CMSS1: variants seen among roughly 807,000 people sequenced by gnomAD.
CMSS1 encodes the protein protein CMSS1.
A neutral mutation model predicts 43.5 loss-of-function variants in CMSS1; 33 were observed. That is an observed-to-expected ratio of 0.76 (90% confidence interval 0.57 to 1.01). The LOEUF (loss-of-function observed/expected upper bound fraction) is 1.01. Among genes scored for constraint, CMSS1 ranks in the 50% least tolerant of loss-of-function variants. The pLI is 0.00. For synonymous variants in CMSS1, 115 were observed against 117.2 expected, an observed-to-expected ratio of 0.98 and a Z score of 0.12; for missense variants, 313 against 326.4, an observed-to-expected ratio of 0.96 and a Z score of 0.32.
At chr3:99,955,071 G>C (rs1410114573) in intron 1 of CMSS1, among the ~76,000 whole-genome samples, 3 of 152,300 alleles carry the variant, frequency 2.0e-5, no homozygotes, top group Admixed American at 6.5e-5. Flanking sequence ...CAGAAAATTA[G>C]ATCAAGTGCT....
intron 1 of CMSS1, among the ~76,000 whole-genome samples, chr3:100,134,761 T>A (rs567639387): frequency 6.6e-6 from 1 of 152,330 alleles, no homozygotes; most frequent in Admixed American, 6.5e-5. Context: ...TGTAGATGAA[T>A]GTTAGTTAAA....
chr3:100,159,755 G>A lies in CMSS1; in HGVS notation c.154-675G>A, dbSNP rs113514759. 953 of 288,000 alleles carry A rather than the reference G, an allele frequency of 3.3e-3. 9 individuals are homozygous for A. The highest frequency in any genetic ancestry group is 0.019 in the African/African-American group (889 of 45,940). The allele number at this position is 288,000 out of a possible 1,614,324, so 17.8% of individuals were successfully genotyped here. A position where few individuals can be genotyped will look rare whatever the true frequency, so the allele number is the denominator to read the frequency against. ...TTCTACATTAGAAAAAAGCCCTCAG[G>A]GTAAAAATAGTACTAAACTGGGGTA... On this transcript the variant is annotated intron_variant, in intron 2 of 9. Coordinates refer to ENST00000421999, the MANE Select transcript of CMSS1 (RefSeq NM_032359.4).
rs1175237461 is a variant in CMSS1 at position 100,136,311 on chromosome 3, G to A, written c.65-10662G>A. 2.0e-5 allele frequency among the ~76,000 whole-genome samples: 3 copies of A among 152,154 alleles called. 1 individual carries two copies. Among genetic ancestry groups the A allele is most frequent in the Non-Finnish European group, 4.4e-5 (3 of 68,030 alleles). On this transcript the variant is annotated intron_variant, in intron 1 of 9. Transcript: ENST00000421999. ...AAAAAAAACAAATAAAACTGGACTG[G>A]CGCCAATAGAAAGCCCGATGAAGCA...
chr3:99,885,411 C>T (rs758209627), intron 1 of CMSS1, among the ~76,000 whole-genome samples: 8 of 152,212 alleles, frequency 5.3e-5, no homozygotes, highest in Non-Finnish European at 8.8e-5. Flanking sequence ...TGTCCCATTA[C>T]TAGACTATGC....
chr3:99,962,520 G>T (rs1708523769), intron 1 of CMSS1, among the ~76,000 whole-genome samples: 1 of 152,168 alleles, frequency 6.6e-6, no homozygotes, highest in Admixed American at 6.5e-5. Flanking sequence ...CATTTCTCCA[G>T]CAACAATATG....
intron 1 of CMSS1, among the ~76,000 whole-genome samples, chr3:100,042,789 C>T (rs1202912711): frequency 6.6e-6 from 1 of 152,084 alleles, no homozygotes; most frequent in Admixed American, 6.6e-5. Flanking sequence ...ATGAGAAATA[C>T]ACGTTTTAAA....
chr3:99,904,918 C>G (rs1480593379), intron 1 of CMSS1, among the ~76,000 whole-genome samples: 1 of 152,160 alleles, frequency 6.6e-6, no homozygotes. Context: ...TCCTCACCAC[C>G]TTCTTTGGGT....
At chr3:100,106,998 G>C (rs1391251934) in intron 1 of CMSS1, among the ~76,000 whole-genome samples, 2 of 152,148 alleles carry the variant, frequency 1.3e-5, no homozygotes, top group Non-Finnish European at 2.9e-5. Context: ...ATGTGTGTCT[G>C]ACCTAACTCT....
intron 1 of CMSS1, among the ~76,000 whole-genome samples, chr3:100,079,858 A>G (rs2065904476): frequency 6.6e-6 from 1 of 152,222 alleles, no homozygotes; most frequent in African/African-American, 2.4e-5. Flanking sequence ...TATTTAAAAA[A>G]TAACTAACAT....
At chr3:100,054,490 TTGTTATGTTATGTTA>T (rs10668094) in intron 1 of CMSS1, among the ~76,000 whole-genome samples, 459 of 146,182 alleles carry the variant, frequency 3.1e-3, no homozygotes, top group African/African-American at 9.6e-3. Context: ...ATGTTATGTT[TTGTTATGTTATGTTA>T]TGTTATGTTA....
chr3:99,964,200 C>T (rs551323328), intron 1 of CMSS1: 6 of 152,364 alleles, frequency 3.9e-5, no homozygotes, highest in Admixed American at 6.5e-5. Flanking sequence ...AAATCCATTA[C>T]GCTTCAGTTA....
At chr3:99,942,321 C>A (rs1452633329) in intron 1 of CMSS1, among the ~76,000 whole-genome samples, 1 of 151,992 alleles carries the variant, frequency 6.6e-6, no homozygotes, top group Non-Finnish European at 1.5e-5. Context: ...TGTGAAATGA[C>A]ATGTTCTCCT....
chr3:100,111,138 C>G (rs936648137), intron 1 of CMSS1, among the ~76,000 whole-genome samples: 1 of 152,048 alleles, frequency 6.6e-6, no homozygotes, highest in Non-Finnish European at 1.5e-5. Context: ...CTTTTAGCAA[C>G]TAAACTGAAT....
intron 1 of CMSS1, among the ~76,000 whole-genome samples, chr3:100,006,761 T>C (rs1375346028): frequency 1.3e-5 from 2 of 152,170 alleles, no homozygotes; most frequent in Non-Finnish European, 2.9e-5. Context: ...CTTACTCTGT[T>C]TTGAATCAGA....
At chr3:99,889,981 G>A (rs1706032794) in intron 1 of CMSS1, among the ~76,000 whole-genome samples, 2 of 151,636 alleles carry the variant, frequency 1.3e-5, no homozygotes, top group South Asian at 2.1e-4. Context: ...CACTTTCTTC[G>A]CCTCTTATTT....
chr3:99,827,850 C>T (rs889665228), intron 1 of CMSS1, among the ~76,000 whole-genome samples: 3 of 152,142 alleles, frequency 2.0e-5, no homozygotes, highest in Admixed American at 6.5e-5. Context: ...GGTGATCCAC[C>T]GCCTCGGACT....
chr3:100,141,616 A>C (rs1480548460), intron 1 of CMSS1: 4 of 452,350 alleles, frequency 8.8e-6, no homozygotes, highest in Non-Finnish European at 1.3e-5. Flanking sequence ...TCAGATACTT[A>C]TCAAAAAGAA....
intron 1 of CMSS1, among the ~76,000 whole-genome samples, chr3:100,006,593 C>A (rs1345441247): frequency 6.6e-6 from 1 of 151,064 alleles, no homozygotes; most frequent in African/African-American, 2.4e-5. Context: ...TTGTTTAGTA[C>A]TGTTAAAACT....
intron 1 of CMSS1, among the ~76,000 whole-genome samples, chr3:100,085,873 G>A (rs949269355): frequency 6.6e-6 from 1 of 152,206 alleles, no homozygotes. Context: ...TTTTCATGAA[G>A]AGTAATATAC....
Sources: gnomAD v4.1 joint callset for allele counts (sites outside exome capture counted in the v4.1 genomes callset) on GRCh38, gnomAD v4.1.1 for gene constraint, MANE v1.5 for transcripts, NCBI Gene and HGNC (gene_info 2026-07-23, HGNC 2026-07-21) for gene names.